DIAPH2: variants seen among roughly 807,000 people sequenced by gnomAD.
DIAPH2 encodes diaphanous related formin 2.
DIAPH2 carries 35 observed loss-of-function variants against 92.7 expected under a neutral mutation model. The observed-to-expected ratio is 0.38, with a 90% CI of 0.29 to 0.50. The LOEUF is 0.50. Ranked by LOEUF, DIAPH2 falls within the 20% of genes least tolerant of loss-of-function variation. DIAPH2 has a pLI of 0.94. For missense variants in DIAPH2, 701 were observed against 819.5 expected, an observed-to-expected ratio of 0.86 and a Z score of 1.77; for synonymous variants, 301 against 280.4, an observed-to-expected ratio of 1.07 and a Z score of -0.73.
chrX:97,142,260 A>G (rs2067213265), intron 22 of DIAPH2, among the ~76,000 whole-genome samples: 1 of 111,795 alleles, frequency 8.9e-6, no homozygotes, highest in Non-Finnish European at 1.9e-5. Flanking sequence ...ATAATGTCCT[A>G]TAGTTGAGAT....
chrX:97,187,281 C>CTTTTTTTTTTTTTGTTTTTTTTTTTTT (rs2067613659), intron 22 of DIAPH2, among the ~76,000 whole-genome samples: 1 of 36,889 alleles, frequency 2.7e-5, no homozygotes, highest in Non-Finnish European at 4.4e-5. Context: ...ATTAAGTAGC[C>CTTTTTTTTTTTTTGTTTTTTTTTTTTT]TTTTTTTTTT....
At chrX:96,751,218 A>G (rs758435078) in intron 3 of DIAPH2, among the ~76,000 whole-genome samples, 4 of 111,619 alleles carry the variant, frequency 3.6e-5, no homozygotes, top group Non-Finnish European at 7.5e-5. Context: ...TGTCTATAAT[A>G]GGAAATTGTA....
chrX:97,400,896 ATT>A (rs781569904), intron 25 of DIAPH2, among the ~76,000 whole-genome samples: 16 of 91,691 alleles, frequency 1.7e-4, no homozygotes, highest in Admixed American at 2.4e-4. Context: ...CATATTATTC[ATT>A]TTTTTTTTTT....
chrX:96,885,052 A>G, intron 5 of DIAPH2: 1 of 1,211,063 alleles, frequency 8.3e-7, no homozygotes, highest in South Asian at 1.8e-5. Context: ...TGAGGGCCAC[A>G]TCTATCCCAC....
At chrX:96,845,952 T>C (rs943799335) in intron 4 of DIAPH2, among the ~76,000 whole-genome samples, 3 of 109,324 alleles carry the variant, frequency 2.7e-5, no homozygotes, top group Non-Finnish European at 5.7e-5. Flanking sequence ...AGTTAATTTT[T>C]GTATTTTTTA....
At chrX:97,014,935 G>C (rs2066250446) in intron 17 of DIAPH2, among the ~76,000 whole-genome samples, 1 of 111,856 alleles carries the variant, frequency 8.9e-6, no homozygotes, top group Non-Finnish European at 1.9e-5. Flanking sequence ...TTGTTATTCT[G>C]ATGTATCAGT....
chrX:96,799,040 T>C (rs1447080738), intron 4 of DIAPH2, among the ~76,000 whole-genome samples: 1 of 106,954 alleles, frequency 9.3e-6, no homozygotes, highest in Non-Finnish European at 1.9e-5. Flanking sequence ...TAGACTCCAC[T>C]GCAGATATCT....
chrX:97,341,912 T>C (rs984556851), intron 23 of DIAPH2, among the ~76,000 whole-genome samples: 5 of 111,867 alleles, frequency 4.5e-5, no homozygotes, highest in Non-Finnish European at 9.4e-5. Context: ...CCAGAGACAA[T>C]GTTTCACCAG....
chrX:97,506,381 C>A (rs1365803172), intron 26 of DIAPH2, among the ~76,000 whole-genome samples: 3 of 106,355 alleles, frequency 2.8e-5, no homozygotes, highest in Admixed American at 1.0e-4. Flanking sequence ...GAACTCCTGA[C>A]CTCAGGTGAT....
intron 17 of DIAPH2, among the ~76,000 whole-genome samples, chrX:96,969,987 T>C (rs1214942447): frequency 8.9e-6 from 1 of 112,010 alleles, no homozygotes; most frequent in Non-Finnish European, 1.9e-5. Flanking sequence ...GATCATATGG[T>C]TTTTGTTTTT....
At chrX:97,501,429 TG>T (rs1447204658) in intron 26 of DIAPH2, among the ~76,000 whole-genome samples, 2 of 112,385 alleles carry the variant, frequency 1.8e-5, no homozygotes, top group African/African-American at 3.2e-5. Flanking sequence ...ATAAGCTGTA[TG>T]ATCTTCATTA....
At chrX:96,789,688 C>T (rs1285543966) in intron 4 of DIAPH2, among the ~76,000 whole-genome samples, 2 of 111,707 alleles carry the variant, frequency 1.8e-5, no homozygotes, top group Non-Finnish European at 3.8e-5. Context: ...GCCTGTTCGT[C>T]GACTTGCATC....
At chrX:96,753,353 A>C (rs965959506) in intron 3 of DIAPH2, among the ~76,000 whole-genome samples, 1 of 112,090 alleles carries the variant, frequency 8.9e-6, no homozygotes, top group African/African-American at 3.2e-5. Flanking sequence ...AGATAATAAA[A>C]TCAAGAGGGT....
chrX:97,597,971 C>T (rs962187495), intron 26 of DIAPH2, among the ~76,000 whole-genome samples: 6 of 111,147 alleles, frequency 5.4e-5, no homozygotes, highest in Admixed American at 3.8e-4. Context: ...GGACACATAC[C>T]GTGGTGTTAA....
intron 21 of DIAPH2, among the ~76,000 whole-genome samples, chrX:97,134,385 T>C (rs1219042349): frequency 1.8e-5 from 2 of 111,998 alleles, no homozygotes; most frequent in African/African-American, 6.5e-5. Flanking sequence ...ACTTTTTATA[T>C]GTAAAAGCAG....
At chrX:96,864,609 T>A (rs892069982) in intron 4 of DIAPH2, among the ~76,000 whole-genome samples, 10 of 112,060 alleles carry the variant, frequency 8.9e-5, no homozygotes, top group Non-Finnish European at 5.6e-5. Flanking sequence ...GTGTGTGTGC[T>A]GGGTTGTTAT....
intron 22 of DIAPH2, among the ~76,000 whole-genome samples, chrX:97,196,525 A>G (rs1318879817): frequency 8.9e-6 from 1 of 111,767 alleles, no homozygotes; most frequent in African/African-American, 3.3e-5. Context: ...CAGAAATGGT[A>G]GAGATACCAG....
In DIAPH2 at chrX:96,968,299, A is replaced by G. The variant is rs901268451; in HGVS notation, c.2050+3092A>G. Among the ~76,000 whole-genome samples, 41 of 110,365 alleles carry G rather than the reference A, an allele frequency of 3.7e-4. 1 individual carries two copies. The highest frequency in any genetic ancestry group is 6.3e-4 in the African/African-American group (19 of 30,358). On this transcript the variant is annotated intron_variant, in intron 17 of 26. Coordinates refer to ENST00000324765, the MANE Select transcript of DIAPH2 (RefSeq NM_006729.5). ...GATGGTGCAATCTCAGCTCACTGCAATCTCCGCCTCCTGGGTTCAAGTGAT... is the reference window on the plus strand; with the variant it reads ...GATGGTGCAATCTCAGCTCACTGCAGTCTCCGCCTCCTGGGTTCAAGTGAT...
chrX:97,205,603 G>A (rs1004872336), intron 22 of DIAPH2, among the ~76,000 whole-genome samples: 2 of 111,795 alleles, frequency 1.8e-5, no homozygotes, highest in Non-Finnish European at 3.8e-5. Flanking sequence ...ACCACAATGA[G>A]ATACCATCTC....
Sources: gnomAD v4.1 joint callset for allele counts (sites outside exome capture counted in the v4.1 genomes callset) on GRCh38, gnomAD v4.1.1 for gene constraint, MANE v1.5 for transcripts, NCBI Gene and HGNC (gene_info 2026-07-23, HGNC 2026-07-21) for gene names.